The following ANKS1B variants were observed in gnomAD, a reference collection of about 807,000 sequenced individuals.
ANKS1B encodes the protein ankyrin repeat and sterile alpha motif domain containing 1B.
ANKS1B carries 36 observed loss-of-function variants against 148.3 expected under a neutral mutation model. That is an observed-to-expected ratio of 0.24 (90% CI 0.19 to 0.32). The LOEUF is 0.32. Ranked by LOEUF, ANKS1B falls within the 10% of genes least tolerant of loss-of-function variation. The probability of loss-of-function intolerance (pLI) is 1.00; values close to 1 mark genes in which losing one functional copy is unlikely to be tolerated. For missense variants in ANKS1B, 1,157 were observed against 1,542.6 expected (o/e 0.75, Z 4.19); for synonymous variants, 542 against 560.8 (o/e 0.97, Z 0.47).
chr12:99,065,106 G>A (rs1299237641), intron 16 of ANKS1B, among the ~76,000 whole-genome samples: 1 of 152,126 alleles, frequency 6.6e-6, no homozygotes, highest in African/African-American at 2.4e-5. Context: ...TACTAGTGAT[G>A]TGAACTATAT....
At chr12:99,019,123 G>A (rs570709839) in intron 17 of ANKS1B, among the ~76,000 whole-genome samples, 1 of 152,086 alleles carries the variant, frequency 6.6e-6, no homozygotes, top group South Asian at 2.1e-4. Context: ...CTTTGAGGTT[G>A]TATGCTCTTA....
chr12:98,858,680 A>G (rs920569096), intron 17 of ANKS1B, among the ~76,000 whole-genome samples: 2 of 152,246 alleles, frequency 1.3e-5, no homozygotes, highest in African/African-American at 4.8e-5. Flanking sequence ...AGAGATAGGT[A>G]TGGAAGAACA....
chr12:99,826,649 AG>A (rs1378663632), intron 1 of ANKS1B, among the ~76,000 whole-genome samples: 1 of 152,326 alleles, frequency 6.6e-6, no homozygotes, highest in East Asian at 1.9e-4. Flanking sequence ...AATGACTCCT[AG>A]TTTGCAGACG....
At chr12:99,120,879 T>C (rs1330608709) in intron 15 of ANKS1B, among the ~76,000 whole-genome samples, 2 of 152,046 alleles carry the variant, frequency 1.3e-5, no homozygotes, top group African/African-American at 4.8e-5. Flanking sequence ...ATAATTAAAA[T>C]CCTAGGAATG....
intron 17 of ANKS1B, among the ~76,000 whole-genome samples, chr12:98,976,002 T>C (rs939137868): frequency 6.6e-5 from 10 of 152,180 alleles, no homozygotes; most frequent in Non-Finnish European, 1.3e-4. Context: ...TGCTTCTTCA[T>C]AGTAATAGAT....
intron 12 of ANKS1B, among the ~76,000 whole-genome samples, chr12:99,392,609 T>C (rs1425578084): frequency 6.6e-6 from 1 of 152,216 alleles, no homozygotes; most frequent in Non-Finnish European, 1.5e-5. Context: ...CACAAAATTC[T>C]TCATGTGGAA....
chr12:99,617,836 A>C lies in ANKS1B; in HGVS notation c.1272+37231T>G, dbSNP rs145140267. 6.6e-4 allele frequency among the ~76,000 whole-genome samples: 100 copies of C among 152,260 alleles called. 1 individual carries two copies. Among genetic ancestry groups the C allele is most frequent in the Admixed American group, 2.0e-3 (30 of 15,298 alleles). On this transcript the variant is annotated intron_variant, in intron 9 of 26. Transcript: ENST00000683438. Reference sequence around the variant, plus strand: ...AAAAAAAACAAAACAAAGCAAAACAAATATACATAAACATAGATACACACT... The same window carrying C: ...AAAAAAAACAAAACAAAGCAAAACACATATACATAAACATAGATACACACT...
chr12:98,926,417 G>C (rs939871435), intron 17 of ANKS1B, among the ~76,000 whole-genome samples: 6 of 152,042 alleles, frequency 3.9e-5, no homozygotes, highest in African/African-American at 1.4e-4. Context: ...TAGAGAGGAG[G>C]GAGGAATATG....
intron 17 of ANKS1B, among the ~76,000 whole-genome samples, chr12:98,948,852 T>A (rs2099849481): frequency 6.7e-6 from 1 of 150,286 alleles, no homozygotes; most frequent in Non-Finnish European, 1.5e-5. Context: ...TCTCAAATAG[T>A]AAGAACTGCT....
In ANKS1B at chr12:99,220,515, C is replaced by T. The variant is rs552709519; in HGVS notation, c.2419+23827G>A. 2.2e-3 allele frequency among the ~76,000 whole-genome samples: 293 copies of T among 135,398 alleles called. 1 individual carries two copies. The highest frequency in any genetic ancestry group is 4.2e-3 in the Admixed American group (52 of 12,238). The allele number at this position is 135,398 out of a possible 152,430, so 88.8% of individuals were successfully genotyped here. On this transcript the variant is annotated intron_variant, in intron 14 of 26. Transcript: ENST00000683438. ...TGCCCAGGCTGGAGTCCAGTGGCGT[C>T]GGCTCACTGCAAACTCCGCCTCCCA...
At chr12:99,171,173 A>G (rs188504601) in intron 14 of ANKS1B, among the ~76,000 whole-genome samples, 113 of 152,308 alleles carry the variant, frequency 7.4e-4, no homozygotes, top group Non-Finnish European at 1.3e-3. Flanking sequence ...TAACAAATCT[A>G]TTTTTAACTA....
chr12:99,042,036 A>C (rs2099959376), intron 17 of ANKS1B, among the ~76,000 whole-genome samples: 1 of 151,952 alleles, frequency 6.6e-6, no homozygotes, highest in South Asian at 2.1e-4. Context: ...AACAAAATAA[A>C]ACAAAAAAAC....
intron 15 of ANKS1B, among the ~76,000 whole-genome samples, chr12:99,098,124 C>T (rs1260580989): frequency 2.0e-4 from 31 of 152,124 alleles, no homozygotes; most frequent in Admixed American, 1.8e-3. Context: ...AAATAGATAT[C>T]GCTATTATCA....
chr12:99,405,471 G>C (rs1278403216), intron 11 of ANKS1B, among the ~76,000 whole-genome samples: 2 of 145,676 alleles, frequency 1.4e-5, no homozygotes, highest in African/African-American at 5.2e-5. Context: ...GTTGCCATCA[G>C]TTTAAAATAA....
At chr12:99,777,862 G>A (rs1702790598) in intron 6 of ANKS1B, among the ~76,000 whole-genome samples, 1 of 151,788 alleles carries the variant, frequency 6.6e-6, no homozygotes, top group Non-Finnish European at 1.5e-5. Context: ...GGGATTACAG[G>A]CATGAGCCAT....
intron 1 of ANKS1B, among the ~76,000 whole-genome samples, chr12:99,864,926 C>T (rs2090532738): frequency 6.6e-6 from 1 of 152,238 alleles, no homozygotes; most frequent in Non-Finnish European, 1.5e-5. Flanking sequence ...CTTTCCTCTA[C>T]TCCTTTTCTT....
intron 6 of ANKS1B, among the ~76,000 whole-genome samples, chr12:99,777,584 T>C (rs1389066821): frequency 6.6e-6 from 1 of 152,114 alleles, no homozygotes; most frequent in African/African-American, 2.4e-5. Context: ...TTTGTTTGTT[T>C]GTTTTGTTTG....
chr12:98,810,725 T>C (rs931453405), intron 19 of ANKS1B, among the ~76,000 whole-genome samples: 26 of 152,262 alleles, frequency 1.7e-4, no homozygotes, highest in African/African-American at 6.3e-4. Flanking sequence ...CCATGCCCAG[T>C]CTGCCTGCCT....
chr12:98,884,276 T>C (rs935852598), intron 17 of ANKS1B, among the ~76,000 whole-genome samples: 8 of 152,234 alleles, frequency 5.3e-5, no homozygotes, highest in African/African-American at 1.7e-4. Context: ...ATATCAACCA[T>C]TAACCTGTTA....
Sources: allele counts gnomAD v4.1 joint callset (sites outside exome capture counted in the v4.1 genomes callset), GRCh38; gene constraint gnomAD v4.1.1; transcripts MANE v1.5; gene names NCBI Gene and HGNC (gene_info 2026-07-23, HGNC 2026-07-21).